The following SYNPO variants were observed in gnomAD, a reference collection of about 807,000 sequenced individuals.
SYNPO encodes synaptopodin.
In SYNPO, 19 loss-of-function variants were observed where a neutral mutation model predicts 49.5. That is an observed-to-expected ratio of 0.38 (90% CI 0.27 to 0.56). The LOEUF is 0.56. Among genes scored for constraint, SYNPO ranks in the 20% least tolerant of loss-of-function variants. SYNPO has a pLI of 0.68. For synonymous variants in SYNPO, 536 were observed against 548.0 expected (o/e 0.98, Z 0.31); for missense variants, 1,131 against 1,248.3 (o/e 0.91, Z 1.42).
At position 150,649,794 on chromosome 5, in the gene SYNPO, C is replaced by T. The variant is rs753547181; in HGVS notation, c.1519C>T (p.Arg507Cys). The change falls in exon 2 of 3, where the codon CGC becomes TGC. Residue 507 changes from arginine to cysteine, a missense_variant. Arg to Cys is a radical substitution (Grantham distance 180). This residue lies in a region of SYNPO where 602 missense variants were observed against 720.7 expected (regional missense o/e 0.84). Coordinates refer to ENST00000307662, the MANE Select transcript of SYNPO (RefSeq NM_007286.6). Reference protein sequence around the residue: ...ESSSHTPELARCPSPTMSLPS... With the variant: ...ESSSHTPELACCPSPTMSLPS... ...TTCAAGCCACACGCCAGAGCTGGCC[C>T]GCTGCCCATCACCTACCATGTCCCT... The T allele has an allele frequency of 5.6e-6, 9 of 1,611,682 alleles. No individual in the cohort carries two copies. Among genetic ancestry groups the T allele is most frequent in the South Asian group, 4.4e-5 (4 of 91,092 alleles).
chr5:150,649,986 C>T lies in SYNPO; in HGVS notation c.1711C>T (p.Leu571Phe), dbSNP rs571669002. The stretch of plus-strand genomic sequence containing the variant: ...GCCGCCATACCAGCTGCGCCCCTCG[C>T]TCTTTGTCCTCTCACCTATCAAGGA... ...KQPPYQLRPS[L>F]FVLSPIKEPA... The change falls in exon 2 of 3, where the codon CTC becomes TTC. Residue 571 changes from leucine to phenylalanine, a missense_variant. This residue lies in a region of SYNPO where 602 missense variants were observed against 720.7 expected (regional missense o/e 0.84). Transcript: ENST00000307662. 4 of 1,612,742 alleles carry T rather than the reference C, an allele frequency of 2.5e-6. No homozygotes were observed. Among genetic ancestry groups the T allele is most frequent in the Non-Finnish European group, 3.4e-6 (4 of 1,180,014 alleles).
chr5:150,597,355 G>A (rs1756443612), upstream of SYNPO, among the ~76,000 whole-genome samples: 1 of 152,182 alleles, frequency 6.6e-6, no homozygotes, highest in Non-Finnish European at 1.5e-5. Context: ...TTTTGAGACA[G>A]AGTTTTGCTC....
chr5:150,650,940 C>T, intron 2 of SYNPO: 5 of 1,257,806 alleles, frequency 4.0e-6, no homozygotes, highest in Non-Finnish European at 5.0e-6. Flanking sequence ...CGCTCCCCTC[C>T]AGGGTCCTTC....
At chr5:150,607,666 G>A (rs1314047278) in intron 1 of SYNPO, among the ~76,000 whole-genome samples, 1 of 152,128 alleles carries the variant, frequency 6.6e-6, no homozygotes, top group Non-Finnish European at 1.5e-5. Context: ...ATGCAGTGCT[G>A]GAGTATGGCA....
In SYNPO at chr5:150,649,160, G is replaced by A; in HGVS notation, c.885G>A (p.Val295=). Residue 295 remains valine, a synonymous_variant, in exon 2 of 3, where the codon GTG becomes GTA. Transcript: ENST00000307662. ...ACATAATGTCCCGCAGCCCCATGGT[G>A]GAAAGGAGGATGATGGGGCAGCGAA... ...QRHIMSRSPM[V]ERRMMGQRSP... The A allele has an allele frequency of 6.2e-7, 1 of 1,614,098 alleles. No homozygotes were observed. The highest frequency in any genetic ancestry group is 1.7e-5 in the Admixed American group (1 of 60,020).
chr5:150,591,506 C>A, the SYNPO span, among the ~76,000 whole-genome samples: 1 of 152,210 alleles, frequency 6.6e-6, no homozygotes, highest in Non-Finnish European at 1.5e-5. Flanking sequence ...AGGGCAGAAG[C>A]GCCGTCTCAG....
At position 150,649,477 on chromosome 5, in the gene SYNPO, C is replaced by G; in HGVS notation, c.1202C>G (p.Thr401Arg). The G allele has an allele frequency of 3.7e-6, 6 of 1,614,088 alleles. No individual in the cohort carries two copies. The highest frequency in any genetic ancestry group is 5.1e-6 in the Non-Finnish European group (6 of 1,179,970). Residue 401 changes from threonine to arginine, a missense_variant, in exon 2 of 3, where the codon ACA (threonine) becomes AGA (arginine). Coordinates refer to ENST00000307662, the MANE Select transcript of SYNPO (RefSeq NM_007286.6). Reference protein sequence around the residue: ...PNPDLLDLVQTADEKRRQRDQ... With the variant: ...PNPDLLDLVQRADEKRRQRDQ... The stretch of plus-strand genomic sequence containing the variant: ...CCAGACTTGCTGGATCTGGTACAGA[C>G]AGCGGATGAGAAGCGGCGGCAGAGG...
chr5:150,618,708 G>T (rs1162919269), exon 2 of SYNPO: 1 of 1,550,082 alleles, frequency 6.5e-7, no homozygotes, highest in South Asian at 1.2e-5. Flanking sequence ...GTGAAGGCCG[G>T]GCAGATGATG....
chr5:150,618,401 G>C (rs778612914), exon 2 of SYNPO: 1 of 1,551,436 alleles, frequency 6.4e-7, no homozygotes, highest in Non-Finnish European at 8.7e-7. Flanking sequence ...TCCGCCCCTT[G>C]CACCCAGCGA....
chr5:150,633,373 A>G (rs1757604339), intron 2 of SYNPO, among the ~76,000 whole-genome samples: 1 of 152,256 alleles, frequency 6.6e-6, no homozygotes, highest in African/African-American at 2.4e-5. Flanking sequence ...GAATAAAACA[A>G]CTATTTTAGA....
chr5:150,624,692 C>T (rs2151378013), intron 2 of SYNPO: 1 of 335,952 alleles, frequency 3.0e-6, no homozygotes, highest in Non-Finnish European at 4.2e-6. Context: ...CGCCCGCCCG[C>T]CCGCCCAGCG....
At chr5:150,602,041 G>A (rs1045473208) in intron 1 of SYNPO, among the ~76,000 whole-genome samples, 11 of 152,206 alleles carry the variant, frequency 7.2e-5, no homozygotes, top group Admixed American at 2.6e-4. Flanking sequence ...TATGGCCATC[G>A]GGGAGACAGT....
chr5:150,636,804 G>A (rs1305727473), upstream of SYNPO, among the ~76,000 whole-genome samples: 1 of 151,602 alleles, frequency 6.6e-6, no homozygotes, highest in African/African-American at 2.4e-5. Flanking sequence ...CGGGGTGGGG[G>A]GTGTTGGGAA....
chr5:150,616,093 T>C (rs995495252), intron 1 of SYNPO, among the ~76,000 whole-genome samples: 2 of 152,198 alleles, frequency 1.3e-5, no homozygotes, highest in Non-Finnish European at 2.9e-5. Context: ...CGGATGGTTG[T>C]TTGCCTTTCC....
chr5:150,630,107 C>T (rs1757489191), intron 2 of SYNPO, among the ~76,000 whole-genome samples: 1 of 152,182 alleles, frequency 6.6e-6, no homozygotes. Context: ...ACCAGCTCAA[C>T]CTTTCTATTC....
At chr5:150,640,048 T>C (rs1453199771), upstream of SYNPO, 7 of 810,460 alleles carry the variant, frequency 8.6e-6, no homozygotes, top group Admixed American at 6.2e-5. Context: ...CAGCGTCTTC[T>C]CTAATATGGA....
At chr5:150,637,811 C>G (rs537442405), upstream of SYNPO, among the ~76,000 whole-genome samples, 1 of 152,330 alleles carries the variant, frequency 6.6e-6, no homozygotes, top group East Asian at 1.9e-4. Context: ...GGCTGCACGG[C>G]GTCCTTTCCT....
chr5:150,620,058 T>G (rs1270127984), intron 2 of SYNPO, among the ~76,000 whole-genome samples: 2 of 152,336 alleles, frequency 1.3e-5, no homozygotes, highest in East Asian at 3.9e-4. Context: ...GGGCCCAGGC[T>G]GGGGTCAGGA....
At chr5:150,595,959 G>T in the SYNPO span, among the ~76,000 whole-genome samples, 2 of 152,182 alleles carry the variant, frequency 1.3e-5, no homozygotes, top group Non-Finnish European at 2.9e-5. Flanking sequence ...GCATGGAGGG[G>T]CCTCCCCTGG....
Sources: gnomAD v4.1 joint callset for allele counts (sites outside exome capture counted in the v4.1 genomes callset) on GRCh38, gnomAD v4.1.1 for gene constraint, gnomAD v4.1.1 regional missense constraint, MANE v1.5 for transcripts, NCBI Gene and HGNC (gene_info 2026-07-23, HGNC 2026-07-21) for gene names.